The following MCC variants were observed in gnomAD, a reference collection of about 807,000 sequenced individuals.
The protein encoded by MCC is colorectal mutant cancer protein.
In MCC, 90 loss-of-function variants were observed where a neutral mutation model predicts 116.2. The observed-to-expected ratio is 0.77, with a 90% CI of 0.65 to 0.92. The LOEUF (loss-of-function observed/expected upper bound fraction) is 0.92, where lower values mean the gene tolerates loss of function less well. Ranked by LOEUF, MCC falls within the 40% of genes least tolerant of loss-of-function variation. The pLI, the probability that MCC is intolerant of heterozygous loss-of-function variation, is 0.00. For missense variants in MCC, 1,516 were observed against 1,312.2 expected (o/e 1.16, Z -2.40); for synonymous variants, 578 against 510.5 (o/e 1.13, Z -1.78).
chr5:113,408,901 C>A (rs956931475), intron 1 of MCC, among the ~76,000 whole-genome samples: 5 of 152,170 alleles, frequency 3.3e-5, no homozygotes, highest in African/African-American at 9.7e-5. Context: ...TTGTCTGTTT[C>A]ATATATAAGG....
intron 3 of MCC, among the ~76,000 whole-genome samples, chr5:113,256,424 G>T (rs1220331005): frequency 6.6e-6 from 1 of 152,212 alleles, no homozygotes. Context: ...AGAGGGTTCA[G>T]ACAGGAAAGA....
At chr5:113,217,899 T>C (rs1402834368) in intron 3 of MCC, among the ~76,000 whole-genome samples, 1 of 152,088 alleles carries the variant, frequency 6.6e-6, no homozygotes, top group Admixed American at 6.5e-5. Context: ...CACGCCTGTA[T>C]GTTCCTTTCC....
chr5:113,083,611 C>T (rs1397793806), intron 10 of MCC, among the ~76,000 whole-genome samples: 4 of 152,080 alleles, frequency 2.6e-5, no homozygotes, highest in Non-Finnish European at 5.9e-5. Flanking sequence ...TCTTACAGTC[C>T]CAGGGGGTTT....
At chr5:113,335,904 C>T (rs1052202019) in intron 3 of MCC, among the ~76,000 whole-genome samples, 4 of 151,682 alleles carry the variant, frequency 2.6e-5, no homozygotes, top group South Asian at 4.1e-4. Context: ...GAGTTACTGT[C>T]GTAGTCTGTT....
At chr5:113,324,090 C>G (rs1767488469) in intron 3 of MCC, among the ~76,000 whole-genome samples, 1 of 152,158 alleles carries the variant, frequency 6.6e-6, no homozygotes, top group African/African-American at 2.4e-5. Context: ...GGTATGGCCT[C>G]TGCGGTGTTG....
chr5:113,331,713 G>T (rs1178885912), intron 3 of MCC, among the ~76,000 whole-genome samples: 1 of 151,400 alleles, frequency 6.6e-6, no homozygotes, highest in Non-Finnish European at 1.5e-5. Flanking sequence ...TTGGCTCACT[G>T]CAACCTCTGC....
intron 4 of MCC, among the ~76,000 whole-genome samples, chr5:113,149,249 A>G (rs905342193): frequency 6.6e-6 from 1 of 152,006 alleles, no homozygotes; most frequent in Non-Finnish European, 1.5e-5. Context: ...TAAAAAAAAA[A>G]CACTGTAAAA....
At chr5:113,413,263 T>C (rs1317619598) in intron 1 of MCC, among the ~76,000 whole-genome samples, 3 of 152,240 alleles carry the variant, frequency 2.0e-5, no homozygotes, top group Non-Finnish European at 4.4e-5. Flanking sequence ...CAGCCTTTGA[T>C]ATCAGAATGA....
chr5:113,371,049 C>G (rs1177890070), intron 2 of MCC, among the ~76,000 whole-genome samples: 1 of 152,012 alleles, frequency 6.6e-6, no homozygotes, highest in Non-Finnish European at 1.5e-5. Context: ...GAAACCCCAT[C>G]TCTACTAAAA....
intron 1 of MCC, among the ~76,000 whole-genome samples, chr5:113,449,883 T>C (rs1185944037): frequency 1.3e-5 from 2 of 152,224 alleles, no homozygotes; most frequent in Non-Finnish European, 2.9e-5. Flanking sequence ...AAACTCTTTT[T>C]CAAATTTATA....
intron 3 of MCC, among the ~76,000 whole-genome samples, chr5:113,301,259 A>G (rs981082986): frequency 6.6e-6 from 1 of 152,212 alleles, no homozygotes; most frequent in Admixed American, 6.5e-5. Flanking sequence ...CGAGGTCGGG[A>G]GTTCAAGACC....
In MCC at chr5:113,151,437, A is replaced by G. The variant is rs746051953; in HGVS notation, c.628-15T>C. 1.4e-6 allele frequency: 2 copies of G among 1,455,380 alleles called. No individual in the cohort carries two copies. Among genetic ancestry groups the G allele is most frequent in the African/African-American group, 2.8e-5 (2 of 71,534 alleles). 90.2% of individuals were successfully genotyped at this position (1,455,380 alleles called of 1,614,324 possible). On this transcript the variant is annotated splice_polypyrimidine_tract_variant and intron_variant, in intron 3 of 18. Coordinates refer to ENST00000408903, the MANE Select transcript of MCC (RefSeq NM_001085377.2). ...GCTGAATGGAGCTGTGGTGACAGAA[A>G]GGAGGAGATTAGAGTATTGTAGCAG...
Position 113,027,131 on chromosome 5 carries a change from C to T in MCC, c.*171G>A. On this transcript the variant is annotated 3_prime_UTR_variant, in exon 19 of 19. Coordinates refer to ENST00000408903, the MANE Select transcript of MCC (RefSeq NM_001085377.2). Reference sequence around the variant, plus strand: ...CCTCTGGATACAGTCCACAATGTCACCATGGCCAGTCGCCCCAAGGGTTGA... The same window carrying T: ...CCTCTGGATACAGTCCACAATGTCATCATGGCCAGTCGCCCCAAGGGTTGA... The T allele has an allele frequency of 1.6e-6, 1 of 642,124 alleles. No individual in the cohort carries two copies. The highest frequency in any genetic ancestry group is 2.7e-6 in the Non-Finnish European group (1 of 374,058). The allele number at this position is 642,124 out of a possible 1,614,324, so 39.8% of individuals were successfully genotyped here.
intron 1 of MCC, among the ~76,000 whole-genome samples, chr5:113,457,295 G>A (rs988771545): frequency 2.0e-5 from 3 of 152,234 alleles, no homozygotes; most frequent in African/African-American, 4.8e-5. Flanking sequence ...CCGGGCCAGC[G>A]GCTGCGGAGG....
chr5:113,204,051 T>G (rs956553916), intron 3 of MCC, among the ~76,000 whole-genome samples: 19 of 152,184 alleles, frequency 1.2e-4, no homozygotes, highest in African/African-American at 4.6e-4. Flanking sequence ...CTCATCTCTA[T>G]CCACAGCCTT....
intron 14 of MCC, among the ~76,000 whole-genome samples, chr5:113,057,084 T>C (rs1752882732): frequency 6.6e-6 from 1 of 152,012 alleles, no homozygotes; most frequent in Non-Finnish European, 1.5e-5. Flanking sequence ...ACACAGTAAA[T>C]GCAATCTAGG....
chr5:113,309,049 A>C (rs1014784457), intron 3 of MCC, among the ~76,000 whole-genome samples: 1 of 152,196 alleles, frequency 6.6e-6, no homozygotes, highest in Non-Finnish European at 1.5e-5. Flanking sequence ...TCAAATAATA[A>C]ATCTCTTTAT....
intron 5 of MCC, among the ~76,000 whole-genome samples, chr5:113,126,590 C>G (rs1187792360): frequency 6.6e-6 from 1 of 151,876 alleles, no homozygotes; most frequent in Admixed American, 6.6e-5. Context: ...AATACAAAAA[C>G]AAACTTTTTT....
intron 6 of MCC, among the ~76,000 whole-genome samples, chr5:113,120,574 A>C (rs1441564062): frequency 6.6e-6 from 1 of 152,148 alleles, no homozygotes; most frequent in Non-Finnish European, 1.5e-5. Flanking sequence ...TACCTCATTC[A>C]TTCATTCCCA....
Sources: allele counts gnomAD v4.1 joint callset (sites outside exome capture counted in the v4.1 genomes callset), GRCh38; gene constraint gnomAD v4.1.1; transcripts MANE v1.5; gene names NCBI Gene and HGNC (gene_info 2026-07-23, HGNC 2026-07-21).